COLQ: variants seen among roughly 807,000 people sequenced by gnomAD.
COLQ encodes the protein collagen like tail subunit of asymmetric acetylcholinesterase.
In COLQ, 48 loss-of-function variants were observed where a neutral mutation model predicts 69.0. The ratio of observed to expected loss-of-function variants is 0.70; its 90% CI spans 0.55 to 0.88. The LOEUF (loss-of-function observed/expected upper bound fraction) is 0.88, where lower values mean the gene tolerates loss of function less well. Among genes scored for constraint, COLQ ranks in the 40% least tolerant of loss-of-function variants. The probability of loss-of-function intolerance (pLI) is 0.00; values close to 1 mark genes in which losing one functional copy is unlikely to be tolerated. For missense variants in COLQ, 618 were observed against 594.6 expected (o/e 1.04, Z -0.41); for synonymous variants, 217 against 211.2 (o/e 1.03, Z -0.24).
intron 9 of COLQ, 53 bp from the exon 10 acceptor site, chr3:15,474,088 T>C: frequency 6.2e-7 from 1 of 1,612,522 alleles, no homozygotes. Context: ...ACACCTGAAA[T>C]GGCTGTGGAC....
At chr3:15,453,798 G>C (rs2061983775) in intron 16 of COLQ, 31 bp downstream of exon 16, 3 of 1,382,114 alleles carry the variant, frequency 2.2e-6, no homozygotes, top group Non-Finnish European at 2.0e-6. Flanking sequence ...GAGAAAGAAG[G>C]GGGAGAGGGA....
chr3:15,471,875 G>A lies in COLQ; in HGVS notation c.637-1259C>T, dbSNP rs1281915058. Among the ~76,000 whole-genome samples the A allele has an allele frequency of 3.9e-5, 6 of 152,240 alleles. No individual in the cohort carries two copies. In the East Asian group the frequency reaches 7.7e-4, roughly 20 times the overall value. On this transcript the variant is annotated intron_variant, in intron 10 of 16. Transcript: ENST00000383788. ...CGTGTGAGAGGATAGGATGGATGCC[G>A]CATGCCATGGAGATGCTTGCAGTTT...
At position 15,489,608 on chromosome 3, in the gene COLQ, C is replaced by T. The variant is rs981504781; in HGVS notation, c.136G>A (p.Gly46Ser). The change falls in exon 2 of 17, where the codon GGT becomes AGT. Residue 46 changes from glycine to serine, a missense_variant. By Grantham distance (56) the Gly-to-Ser change is moderately conservative. Transcript: ENST00000383788. ...ALPSLDQKKR[G>S]GHKACCLLTP... Reference sequence around the variant, plus strand: ...AGCAGGCAGCATGCTTTGTGGCCACCACGCTTCTTCTGATCCAGGCTGGGA... The same window carrying T: ...AGCAGGCAGCATGCTTTGTGGCCACTACGCTTCTTCTGATCCAGGCTGGGA... The T allele has an allele frequency of 3.1e-6, 5 of 1,614,014 alleles. No homozygotes were observed. The highest frequency in any genetic ancestry group is 3.3e-5 in the Admixed American group (2 of 60,002).
chr3:15,458,396 C>G, intron 12 of COLQ, 71 bp from the exon 13 acceptor site: 1 of 1,569,626 alleles, frequency 6.4e-7, no homozygotes, highest in Non-Finnish European at 8.8e-7. Flanking sequence ...GAGATGTGAG[C>G]GACCTTTGCA....
Position 15,451,616 on chromosome 3 carries a change from G to A in COLQ, c.*28C>T, listed in dbSNP as rs1305655676. On this transcript the variant is annotated 3_prime_UTR_variant, in exon 17 of 17. Transcript: ENST00000383788. ...GGAGAAGCTGCTGCCAGTTCTGTGG[G>A]GCGCAGCCCACCTTCTCCTCACGGC... is the stretch of plus-strand genomic sequence containing the variant. 1 of 1,610,158 alleles carries A rather than the reference G, an allele frequency of 6.2e-7. No individual in the cohort carries two copies. The highest frequency in any genetic ancestry group is 1.3e-5 in the African/African-American group (1 of 74,944).
At chr3:15,520,545 G>C (rs2063122463) in intron 1 of COLQ, among the ~76,000 whole-genome samples, 1 of 152,208 alleles carries the variant, frequency 6.6e-6, no homozygotes, top group Non-Finnish European at 1.5e-5. Context: ...CTCAGTTGAA[G>C]TATTTATGAG....
At chr3:15,485,302 G>A (rs1258855527) in intron 3 of COLQ, among the ~76,000 whole-genome samples, 2 of 152,148 alleles carry the variant, frequency 1.3e-5, no homozygotes, top group African/African-American at 2.4e-5. Flanking sequence ...GGTGTCAGTC[G>A]GCCCCTACTG....
chr3:15,481,834 T>C (rs1289191072), intron 3 of COLQ, among the ~76,000 whole-genome samples: 3 of 152,244 alleles, frequency 2.0e-5, no homozygotes, highest in African/African-American at 7.2e-5. Context: ...TATTGATTCT[T>C]CCTATCCATG....
chr3:15,477,743 A>C (rs924142190), intron 5 of COLQ, among the ~76,000 whole-genome samples: 3 of 152,062 alleles, frequency 2.0e-5, no homozygotes, highest in Non-Finnish European at 4.4e-5. Context: ...CAGCTCCCTT[A>C]CCTTTGGGCA....
chr3:15,478,872 C>A (rs1468892343), intron 5 of COLQ, 105 bp downstream of exon 5: 3 of 1,346,952 alleles, frequency 2.2e-6, no homozygotes, highest in Non-Finnish European at 3.2e-6. Context: ...ACCTGGGTAT[C>A]AGTGACCACT....
At chr3:15,513,719 C>T (rs2063018633) in intron 1 of COLQ, among the ~76,000 whole-genome samples, 1 of 152,210 alleles carries the variant, frequency 6.6e-6, no homozygotes, top group South Asian at 2.1e-4. Flanking sequence ...AGACAGTACA[C>T]ACCACGGTGC....
intron 15 of COLQ, 22 bp from the exon 16 acceptor site, chr3:15,453,953 C>T (rs2061988430): frequency 9.6e-6 from 15 of 1,554,522 alleles, no homozygotes; most frequent in African/African-American, 1.4e-5. Flanking sequence ...TAAGGAGGTG[C>T]AGTCTTGAGA....
rs113512775 is a variant in COLQ, at chr3:15,474,206, A to G, written c.600+22T>C. On this transcript the variant is annotated intron_variant, in intron 9 of 16. Transcript: ENST00000383788. The stretch of plus-strand genomic sequence containing the variant: ...ACTTGCACTGACATTTATCATTTCT[A>G]TGGAAAGGTTTTCTCCATTACCTTT... 9.9e-4 allele frequency: 1,605 copies of G among 1,613,726 alleles called. 19 individuals are homozygous for G. In the African/African-American group the frequency reaches 0.017, roughly 17 times the overall value.
intron 3 of COLQ, 83 bp downstream of exon 3, chr3:15,488,123 A>G (rs1575482791): frequency 1.0e-6 from 1 of 981,622 alleles, no homozygotes; most frequent in Non-Finnish European, 1.6e-6. Context: ...CATGAGAAAG[A>G]GCAGACACTA....
chr3:15,487,752 G>A (rs1197820251), intron 3 of COLQ, among the ~76,000 whole-genome samples: 1 of 152,146 alleles, frequency 6.6e-6, no homozygotes, highest in East Asian at 1.9e-4. Flanking sequence ...GGGAGGGGTG[G>A]GCTGCTTGGT....
chr3:15,519,257 C>A (rs977574156), intron 1 of COLQ, among the ~76,000 whole-genome samples: 1 of 152,228 alleles, frequency 6.6e-6, no homozygotes, highest in African/African-American at 2.4e-5. Context: ...ACTGGTTGTT[C>A]TCCATCCCAA....
Position 15,474,214 on chromosome 3 carries a change from G to GT in COLQ, c.600+13dup. ...TGACATTTATCATTTCTATGGAAAG[G>GT]TTTTCTCCATTACCTTTTCTCCTTT... On this transcript the variant is annotated intron_variant, in intron 9 of 16. Transcript: ENST00000383788. The GT allele has an allele frequency of 6.2e-7, 1 of 1,613,896 alleles. No individual in the cohort carries two copies. The highest frequency in any genetic ancestry group is 8.5e-7 in the Non-Finnish European group (1 of 1,179,776).
chr3:15,502,063 T>C (rs1333513151), intron 1 of COLQ, among the ~76,000 whole-genome samples: 3 of 152,146 alleles, frequency 2.0e-5, no homozygotes, highest in Non-Finnish European at 4.4e-5. Context: ...AGAAGACTAA[T>C]CTCTTGGGAA....
intron 13 of COLQ, among the ~76,000 whole-genome samples, chr3:15,457,092 G>C (rs578046271): frequency 2.6e-5 from 4 of 152,034 alleles, no homozygotes; most frequent in South Asian, 2.1e-4. Context: ...CCAAAGTTCT[G>C]GGATTACAGG....
Sources: allele counts gnomAD v4.1 joint callset (sites outside exome capture counted in the v4.1 genomes callset), GRCh38; gene constraint gnomAD v4.1.1; transcripts MANE v1.5; gene names NCBI Gene and HGNC (gene_info 2026-07-23, HGNC 2026-07-21).